Variants in CD163L1 observed in about 807,000 individuals in gnomAD.
CD163L1 encodes scavenger receptor cysteine-rich type 1 protein M160.
Under a neutral mutation model 165.4 loss-of-function variants are expected in CD163L1, and 124 were observed. The ratio of observed to expected loss-of-function variants is 0.75; its 90% confidence interval spans 0.65 to 0.87. The LOEUF (loss-of-function observed/expected upper bound fraction) is 0.87. Ranked by LOEUF, CD163L1 falls within the 40% of genes least tolerant of loss-of-function variation. CD163L1 has a pLI of 0.00. For missense variants in CD163L1, 1,525 were observed against 1,799.9 expected (o/e 0.85, Z 2.76); for synonymous variants, 585 against 662.2 (o/e 0.88, Z 1.79).
the CD163L1 span, among the ~76,000 whole-genome samples, chr12:7,331,566 G>A: frequency 0.034 from 5,119 of 152,282 alleles, 111 homozygotes; most frequent in Middle Eastern, 0.061. Flanking sequence ...ACACGTCCGG[G>A]TACTCCCCTG....
the CD163L1 span, among the ~76,000 whole-genome samples, chr12:7,334,745 T>G: frequency 1.3e-5 from 2 of 152,154 alleles, no homozygotes; most frequent in Admixed American, 1.3e-4. Context: ...GAAAACCCCA[T>G]TGTCTCAGCC....
the CD163L1 span, among the ~76,000 whole-genome samples, chr12:7,331,352 T>G: frequency 1.3e-5 from 2 of 152,230 alleles, no homozygotes; most frequent in African/African-American, 4.8e-5. Context: ...AGGCTCCACC[T>G]CTGGGGGCAG....
intron 8 of CD163L1, among the ~76,000 whole-genome samples, chr12:7,389,144 T>C (rs1246378267): frequency 6.6e-6 from 1 of 152,204 alleles, no homozygotes; most frequent in Non-Finnish European, 1.5e-5. Context: ...CTGAATCACA[T>C]GGTAGCCCAA....
the CD163L1 span, chr12:7,324,501 A>G: frequency 6.2e-7 from 1 of 1,613,968 alleles, no homozygotes; most frequent in South Asian, 1.1e-5. Context: ...CTCTTCAGGT[A>G]CCGTATTGGG....
intron 18 of CD163L1, among the ~76,000 whole-genome samples, chr12:7,358,045 A>C (rs1031955669): frequency 6.6e-6 from 1 of 152,120 alleles, no homozygotes; most frequent in South Asian, 2.1e-4. Context: ...ACAAGAAAAA[A>C]GGTGAATAAA....
chr12:7,379,918 T>A (rs1419504060), intron 8 of CD163L1, among the ~76,000 whole-genome samples: 1 of 150,024 alleles, frequency 6.7e-6, no homozygotes. Context: ...ATCAGGAAAA[T>A]GCAAATCAAA....
the CD163L1 span, chr12:7,324,713 T>C: frequency 4.4e-6 from 5 of 1,123,780 alleles, no homozygotes; most frequent in African/African-American, 3.1e-5. Flanking sequence ...TTATGAAGCA[T>C]GCATTTGGCC....
At chr12:7,385,273 C>T (rs192332380) in intron 8 of CD163L1, among the ~76,000 whole-genome samples, 5 of 150,610 alleles carry the variant, frequency 3.3e-5, no homozygotes, top group Admixed American at 2.6e-4. Flanking sequence ...AGACAATCAT[C>T]ATATAAAGAT....
downstream of CD163L1, among the ~76,000 whole-genome samples, chr12:7,350,179 G>T (rs1017237167): frequency 1.3e-5 from 2 of 152,138 alleles, no homozygotes; most frequent in African/African-American, 4.8e-5. Flanking sequence ...ATGTACCTTT[G>T]TTGCAGAAGC....
chr12:7,359,693 A>C (rs1211066842), intron 18 of CD163L1, among the ~76,000 whole-genome samples: 1 of 152,138 alleles, frequency 6.6e-6, no homozygotes, highest in Non-Finnish European at 1.5e-5. Flanking sequence ...AGAAGAAATA[A>C]ATACAGGTAA....
At chr12:7,378,489 G>C (rs1947317741) in intron 9 of CD163L1, among the ~76,000 whole-genome samples, 1 of 152,060 alleles carries the variant, frequency 6.6e-6, no homozygotes, top group Admixed American at 6.6e-5. Context: ...CCTTTCCCTT[G>C]CCTACATATC....
chr12:7,343,732 G>A (rs762492432), downstream of CD163L1, among the ~76,000 whole-genome samples: 1 of 152,248 alleles, frequency 6.6e-6, no homozygotes, highest in East Asian at 1.9e-4. Context: ...ATTCCAATAT[G>A]ATACTTGGGT....
At chr12:7,383,777 C>A (rs1947460098) in intron 8 of CD163L1, among the ~76,000 whole-genome samples, 1 of 152,178 alleles carries the variant, frequency 6.6e-6, no homozygotes, top group African/African-American at 2.4e-5. Context: ...ATAAACTGCC[C>A]TACCCAACCA....
Position 7,398,572 on chromosome 12 carries a change from A to G in CD163L1, c.1421T>C (p.Leu474Pro), listed in dbSNP as rs1947830864. The change falls in exon 7 of 20, where the codon CTG becomes CCG. Residue 474 changes from leucine to proline, a missense_variant. Physicochemically the swap from Leu to Pro is moderately conservative, Grantham distance 98 (BLOSUM62 -3). Coordinates refer to ENST00000313599, the MANE Select transcript of CD163L1 (RefSeq NM_174941.6). The surrounding 1 kb of genome is among the most constrained non-coding windows in gnomAD (Gnocchi z 4.5). ...AGVICSDKADLDLRLVGAHSP... is the reference protein window; with the variant it reads ...AGVICSDKADPDLRLVGAHSP... ...ATGAGCCCCGACAAGCCTTAGGTCC[A>G]GATCTGCCTTATCTGCAAGCAAGAC... is the stretch of plus-strand genomic sequence containing the variant. 1.9e-6 allele frequency: 3 copies of G among 1,569,650 alleles called. No individual in the cohort carries two copies. The highest frequency in any genetic ancestry group is 2.6e-6 in the Non-Finnish European group (3 of 1,160,886).
chr12:7,421,481 G>GTATATATA (rs1948402470), intron 4 of CD163L1, among the ~76,000 whole-genome samples: 2 of 93,270 alleles, frequency 2.1e-5, no homozygotes, highest in Non-Finnish European at 3.8e-5. Flanking sequence ...ATACATATAT[G>GTATATATA]TACATATATA....
intron 6 of CD163L1, among the ~76,000 whole-genome samples, chr12:7,401,038 T>A (rs1947906101): frequency 6.6e-6 from 1 of 152,156 alleles, no homozygotes; most frequent in Non-Finnish European, 1.5e-5. Context: ...TGTCATTTGT[T>A]ATCAAGGAAG....
chr12:7,440,073 C>T, intron 2 of CD163L1: 1 of 1,069,290 alleles, frequency 9.4e-7, no homozygotes, highest in Non-Finnish European at 1.4e-6. Flanking sequence ...CGCCCTACTC[C>T]ACATCAGCGG....
At chr12:7,387,204 G>A (rs768206271) in intron 8 of CD163L1, among the ~76,000 whole-genome samples, 3 of 151,948 alleles carry the variant, frequency 2.0e-5, no homozygotes, top group Non-Finnish European at 4.4e-5. Flanking sequence ...AAGACACCAA[G>A]AAGGCAATCT....
chr12:7,380,274 GGT>G (rs56789470), intron 8 of CD163L1, among the ~76,000 whole-genome samples: 6,999 of 146,794 alleles, frequency 0.048, 223 homozygotes, highest in South Asian at 0.067. Context: ...AAGAAACTGT[GGT>G]GTGTGTGTGT....
Sources: gnomAD v4.1 joint callset for allele counts (sites outside exome capture counted in the v4.1 genomes callset) on GRCh38, gnomAD v4.1.1 for gene constraint, Gnocchi (gnomAD v3.1) non-coding constraint, MANE v1.5 for transcripts, NCBI Gene and HGNC (gene_info 2026-07-23, HGNC 2026-07-21) for gene names.